IGHMBP2: variants seen among roughly 807,000 people sequenced by gnomAD.
IGHMBP2 encodes the protein DNA-binding protein SMUBP-2.
A neutral mutation model predicts 96.0 loss-of-function variants in IGHMBP2; 81 were observed. The observed-to-expected ratio is 0.84, with a 90% CI of 0.71 to 1.01. The LOEUF (loss-of-function observed/expected upper bound fraction) is 1.01, where lower values mean the gene tolerates loss of function less well. Among genes scored for constraint, IGHMBP2 ranks in the 50% least tolerant of loss-of-function variants. The pLI, the probability that IGHMBP2 is intolerant of heterozygous loss-of-function variation, is 0.00. For synonymous variants in IGHMBP2, 557 were observed against 548.9 expected (o/e 1.01, Z -0.21); for missense variants, 1,227 against 1,306.3 (o/e 0.94, Z 0.94).
At chr11:68,928,598 T>C (rs932279274) in intron 7 of IGHMBP2, among the ~76,000 whole-genome samples, 2 of 152,194 alleles carry the variant, frequency 1.3e-5, no homozygotes, top group African/African-American at 4.8e-5. Context: ...TCATTGTCCA[T>C]GTTTGTGGGT....
chr11:68,908,003 T>TC (rs1174551968), intron 2 of IGHMBP2, 142 bp from the exon 3 acceptor site: 6 of 830,562 alleles, frequency 7.2e-6, no homozygotes, highest in South Asian at 2.8e-5. Context: ...TTACTTTCTT[T>TC]TTTTTTTTTT....
At chr11:68,938,930 G>C (rs970014085) in intron 14 of IGHMBP2, among the ~76,000 whole-genome samples, 12 of 152,178 alleles carry the variant, frequency 7.9e-5, no homozygotes, top group African/African-American at 2.4e-4. Context: ...CACCCACCCA[G>C]ATGCAGCAGT....
chr11:68,912,227 G>A (rs1858467464), intron 5 of IGHMBP2, among the ~76,000 whole-genome samples: 1 of 152,204 alleles, frequency 6.6e-6, no homozygotes, highest in African/African-American at 2.4e-5. Flanking sequence ...CGCCTCCCGG[G>A]TTTAAGTGAT....
At chr11:68,919,204 C>T (rs966358087) in intron 7 of IGHMBP2, among the ~76,000 whole-genome samples, 2 of 150,152 alleles carry the variant, frequency 1.3e-5, no homozygotes, top group African/African-American at 2.4e-5. Flanking sequence ...TCCCCGTCCC[C>T]GTCCTGTGTG....
intron 5 of IGHMBP2, among the ~76,000 whole-genome samples, chr11:68,912,199 T>G (rs1033876000): frequency 2.0e-5 from 3 of 152,220 alleles, no homozygotes; most frequent in African/African-American, 7.2e-5. Context: ...GGGCGGGATC[T>G]TGGCTCCCTG....
intron 4 of IGHMBP2, among the ~76,000 whole-genome samples, chr11:68,909,968 C>T (rs1308908224): frequency 1.3e-5 from 2 of 152,168 alleles, no homozygotes; most frequent in African/African-American, 2.4e-5. Flanking sequence ...TCTTGGAGAA[C>T]GTCATTTTTG....
At chr11:68,925,971 G>A (rs528529023) in intron 7 of IGHMBP2, among the ~76,000 whole-genome samples, 110 of 151,886 alleles carry the variant, frequency 7.2e-4, no homozygotes, top group African/African-American at 2.4e-3. Context: ...GTTTAGATTC[G>A]TGTTTTTCAT....
chr11:68,925,268 C>T (rs751716444), intron 7 of IGHMBP2, among the ~76,000 whole-genome samples: 1 of 151,654 alleles, frequency 6.6e-6, no homozygotes, highest in African/African-American at 2.4e-5. Flanking sequence ...GCCTCAGCCT[C>T]CTGAGTAGCT....
intron 6 of IGHMBP2, among the ~76,000 whole-genome samples, chr11:68,916,091 T>C (rs1006686768): frequency 2.1e-5 from 3 of 139,894 alleles, no homozygotes; most frequent in African/African-American, 5.0e-5. Context: ...GGAGAATCTC[T>C]TGAACCTGGG....
chr11:68,915,977 C>T (rs1469531266), intron 6 of IGHMBP2, among the ~76,000 whole-genome samples: 1 of 151,666 alleles, frequency 6.6e-6, no homozygotes, highest in Non-Finnish European at 1.5e-5. Context: ...AGTTCGAGAC[C>T]AGCCTGGCCC....
chr11:68,914,876 G>A lies in IGHMBP2; in HGVS notation c.765G>A (p.Leu255=), dbSNP rs1858587767. The part of the protein sequence containing the change: ...NIAVDNLVER[L]ALCKQRILRL... ...CCGTGGACAATCTGGTGGAGCGCCT[G>A]GCTCTGTGTAAGCAGCGGATTCTGC... Residue 255 remains leucine (L), a synonymous_variant, in exon 6 of 15, where the codon CTG becomes CTA. Transcript: ENST00000255078. 1.9e-6 allele frequency: 3 copies of A among 1,614,126 alleles called. No individual in the cohort carries two copies.
intron 3 of IGHMBP2, 39 bp downstream of exon 3, chr11:68,908,376 C>A: frequency 6.3e-7 from 1 of 1,577,246 alleles, no homozygotes. Context: ...TACCATCTTC[C>A]TTCAACACAG....
chr11:68,933,254 CTG>C (rs1248020330), intron 8 of IGHMBP2, 43 bp from the exon 9 acceptor site: 1 of 1,575,588 alleles, frequency 6.3e-7, no homozygotes, highest in African/African-American at 1.3e-5. Flanking sequence ...CACCTGGACT[CTG>C]GGGCTCAGGC....
At position 68,903,925 on chromosome 11, in the gene IGHMBP2, C is replaced by A. The variant is rs117368938; in HGVS notation, c.-28C>A. On this transcript the variant is annotated 5_prime_UTR_variant, in exon 1 of 15. Transcript: ENST00000255078. Reference sequence around the variant, plus strand: ...GCCCGGCGCAGAAGCGGGACGTCGGCTTCTAGGGGCCCAGGCCGGCGGCGG... The same window carrying A: ...GCCCGGCGCAGAAGCGGGACGTCGGATTCTAGGGGCCCAGGCCGGCGGCGG... 1,637 of 1,596,750 alleles carry A rather than the reference C, an allele frequency of 1.0e-3. 27 individuals are homozygous for A. The East Asian group carries it at 0.028, about 27-fold the overall frequency.
chr11:68,912,176 G>A (rs1352459722), intron 5 of IGHMBP2, among the ~76,000 whole-genome samples: 1 of 152,160 alleles, frequency 6.6e-6, no homozygotes, highest in Non-Finnish European at 1.5e-5. Context: ...CCAGGCTAGA[G>A]TCTGGAGTGC....
At chr11:68,904,737 T>A (rs1858108546) in intron 1 of IGHMBP2, among the ~76,000 whole-genome samples, 1 of 152,194 alleles carries the variant, frequency 6.6e-6, no homozygotes, top group Non-Finnish European at 1.5e-5. Flanking sequence ...GTACTTTCCA[T>A]GCGTTAATTC....
In IGHMBP2 at chr11:68,935,395, C is replaced by A; in HGVS notation, c.1729C>A (p.Leu577Met). Residue 577 changes from leucine (L) to methionine (M), a missense_variant, in exon 12 of 15, where the codon CTG becomes ATG. This residue lies in a region of IGHMBP2 where 703 missense variants were observed against 770.3 expected (regional missense o/e 0.91). Transcript: ENST00000255078. Reference sequence around the variant, plus strand: ...AGGCCGAGAGAAGGAGGCCGTGATACTGTCCTTCGTCAGATCCAACAGGAA... The same window carrying A: ...AGGCCGAGAGAAGGAGGCCGTGATAATGTCCTTCGTCAGATCCAACAGGAA... ...FQGREKEAVI[L>M]SFVRSNRKGE... 1 of 1,614,150 alleles carries A rather than the reference C, an allele frequency of 6.2e-7. No individual in the cohort carries two copies. Among genetic ancestry groups the A allele is most frequent in the Non-Finnish European group, 8.5e-7 (1 of 1,180,038 alleles).
intron 8 of IGHMBP2, among the ~76,000 whole-genome samples, chr11:68,931,900 G>A (rs575908328): frequency 1.3e-5 from 2 of 152,130 alleles, no homozygotes; most frequent in South Asian, 2.1e-4. Context: ...ACGTTGGGTG[G>A]CGTTCCCTGC....
chr11:68,917,099 GCCTCC>G (rs964329175), intron 6 of IGHMBP2, among the ~76,000 whole-genome samples: 1 of 147,200 alleles, frequency 6.8e-6, no homozygotes, highest in Non-Finnish European at 1.5e-5. Context: ...TCCTGCCTCA[GCCTCC>G]CGAGTAGCTG....
Sources: gnomAD v4.1 joint callset for allele counts (sites outside exome capture counted in the v4.1 genomes callset) on GRCh38, gnomAD v4.1.1 for gene constraint, gnomAD v4.1.1 regional missense constraint, MANE v1.5 for transcripts, NCBI Gene and HGNC (gene_info 2026-07-23, HGNC 2026-07-21) for gene names.